USPL1: variants seen among roughly 807,000 people sequenced by gnomAD.
The protein encoded by USPL1 is SUMO-specific isopeptidase USPL1.
In USPL1, 27 loss-of-function variants were observed where a neutral mutation model predicts 51.5. The observed-to-expected ratio is 0.52, with a 90% CI of 0.39 to 0.72. The LOEUF (loss-of-function observed/expected upper bound fraction) is 0.72. Ranked by LOEUF, USPL1 falls within the 30% of genes least tolerant of loss-of-function variation. The probability of loss-of-function intolerance (pLI) is 0.00; values close to 1 mark genes in which losing one functional copy is unlikely to be tolerated. For missense variants in USPL1, 1,226 were observed against 1,268.0 expected, an observed-to-expected ratio of 0.97 and a Z score of 0.50; for synonymous variants, 451 against 459.6, an observed-to-expected ratio of 0.98 and a Z score of 0.24.
intron 3 of USPL1, among the ~76,000 whole-genome samples, chr13:30,622,190 T>C (rs1228016486): frequency 6.6e-6 from 1 of 152,132 alleles, no homozygotes; most frequent in Non-Finnish European, 1.5e-5. Flanking sequence ...ATATAGTAGT[T>C]ACTCTCTCAT....
chr13:30,627,425 T>TGCCCC (rs1950732380), intron 3 of USPL1, among the ~76,000 whole-genome samples: 1 of 152,092 alleles, frequency 6.6e-6, no homozygotes, highest in Non-Finnish European at 1.5e-5. Context: ...GCACAGATTA[T>TGCCCC]ATAGAGAAAA....
Position 30,658,526 on chromosome 13 carries a change from A to T in USPL1, c.2449A>T (p.Lys817Ter). The T allele has an allele frequency of 1.2e-6, 2 of 1,614,098 alleles. No homozygotes were observed. Among genetic ancestry groups the T allele is most frequent in the Non-Finnish European group, 1.7e-6 (2 of 1,180,010 alleles). ...KASHVSKKARKSASKPPPISK... is the reference protein window; with the variant it reads ...KASHVSKKAR Reference sequence around the variant, plus strand: ...CAGCCACGTATCCAAGAAAGCTCGTAAGAGTGCAAGTAAGCCTCCTCCCAT... The same window carrying T: ...CAGCCACGTATCCAAGAAAGCTCGTTAGAGTGCAAGTAAGCCTCCTCCCAT... Residue 817 changes from lysine (K) to a stop codon, truncating the protein, a stop_gained, in exon 9 of 9, where the codon AAG becomes TAG. Transcript: ENST00000255304. LOFTEE classifies it low-confidence loss of function (END_TRUNC).
chr13:30,623,397 T>A (rs1950669280), intron 3 of USPL1, among the ~76,000 whole-genome samples: 1 of 152,104 alleles, frequency 6.6e-6, no homozygotes, highest in Non-Finnish European at 1.5e-5. Context: ...ATGGCAGAGA[T>A]GTTGGCAGAG....
At chr13:30,621,672 T>C (rs974107183) in intron 2 of USPL1, 92 bp from the exon 3 acceptor site, 14 of 1,046,608 alleles carry the variant, frequency 1.3e-5, no homozygotes, top group African/African-American at 1.2e-4. Context: ...TTGAAAATTA[T>C]AATTTTTTCT....
intron 6 of USPL1, among the ~76,000 whole-genome samples, chr13:30,646,266 T>C (rs910028973): frequency 1.3e-5 from 2 of 152,218 alleles, no homozygotes; most frequent in Non-Finnish European, 2.9e-5. Context: ...ATGGCGTTGC[T>C]CTCAAGTATT....
rs1248629238 is a variant in USPL1, at chr13:30,653,148, A to G, written c.1239A>G (p.Lys413=). The stretch of plus-strand genomic sequence containing the variant: ...CTTCTCTTGCTTTTCTCTCCCACAG[A>G]GTATCTCCCATATTCATGTTGCACT... ...KSQIRKMVLE[K]VSPIFMLHFV... Residue 413 remains lysine (K), a splice_region_variant and synonymous_variant, in exon 8 of 9, where the codon AAA becomes AAG. Transcript: ENST00000255304. 2 of 1,577,446 alleles carry G rather than the reference A, an allele frequency of 1.3e-6. No individual in the cohort carries two copies. Among genetic ancestry groups the G allele is most frequent in the Non-Finnish European group, 1.7e-6 (2 of 1,157,894 alleles).
chr13:30,643,933 T>A (rs1950982984), intron 6 of USPL1, among the ~76,000 whole-genome samples: 1 of 152,010 alleles, frequency 6.6e-6, no homozygotes, highest in African/African-American at 2.4e-5. Context: ...GCTTAAGTGC[T>A]TAAGTTAGAA....
chr13:30,639,382 T>G (rs1950917564), intron 5 of USPL1, among the ~76,000 whole-genome samples: 1 of 151,956 alleles, frequency 6.6e-6, no homozygotes, highest in Admixed American at 6.6e-5. Flanking sequence ...TTTCCTACAT[T>G]TTATTAAAAT....
intron 5 of USPL1, among the ~76,000 whole-genome samples, chr13:30,639,961 C>A (rs909861216): frequency 3.3e-5 from 5 of 152,146 alleles, no homozygotes; most frequent in Non-Finnish European, 7.3e-5. Flanking sequence ...TTCTATGTAA[C>A]AGAAGGAATT....
Position 30,660,271 on chromosome 13 carries a change from C to A in USPL1, c.*915C>A, listed in dbSNP as rs1951241420. 6.6e-6 allele frequency: 1 copy of A among 152,328 alleles called. No individual in the cohort carries two copies. Among genetic ancestry groups the A allele is most frequent in the Admixed American group, 6.5e-5 (1 of 15,290 alleles). The allele number at this position is 152,328 out of a possible 1,614,324, so 9.4% of individuals were successfully genotyped here. ...GTGGGACTGGCAGCCTGGCCCTCAG[C>A]CTTCAGGCCCTCCCTGTTCATGGCT... On this transcript the variant is annotated 3_prime_UTR_variant, in exon 9 of 9. Transcript: ENST00000255304.
intron 7 of USPL1, among the ~76,000 whole-genome samples, chr13:30,648,852 G>A (rs1031153779): frequency 3.3e-5 from 5 of 151,988 alleles, no homozygotes; most frequent in African/African-American, 1.2e-4. Context: ...AGATGTAAAT[G>A]TTGATGATGA....
chr13:30,658,494 A>G lies in USPL1; in HGVS notation c.2417A>G (p.Gln806Arg). The part of the protein sequence containing the change: ...FGGFKTKGIN[Q>R]KASHVSKKAR... The stretch of plus-strand genomic sequence containing the variant: ...GGCTTTAAAACTAAAGGTATAAACC[A>G]GAAGGCCAGCCACGTATCCAAGAAA... Residue 806 changes from glutamine to arginine, a missense_variant, in exon 9 of 9, where the codon CAG becomes CGG. Transcript: ENST00000255304. 1 of 1,613,994 alleles carries G rather than the reference A, an allele frequency of 6.2e-7. No homozygotes were observed.
chr13:30,654,751 C>G (rs1951137781), intron 8 of USPL1, among the ~76,000 whole-genome samples: 2 of 151,924 alleles, frequency 1.3e-5, no homozygotes, highest in South Asian at 4.2e-4. Flanking sequence ...TTTGTTTTCC[C>G]TTTTGAAACT....
In USPL1 at chr13:30,631,399, A is replaced by C. The variant is rs141608033; in HGVS notation, c.793A>C (p.Ile265Leu). The change falls in exon 4 of 9, where the codon ATA becomes CTA. Residue 265 changes from isoleucine (I) to leucine (L), a missense_variant. Coordinates refer to ENST00000255304, the MANE Select transcript of USPL1 (RefSeq NM_005800.5). ...VTGLCSKEES[I>L]FWRLLTKYNQ... is the part of the protein sequence containing the mutation. ...TGGACTGTGCTCGAAGGAGGAATCT[A>C]TATTCTGGCGGTTGCTTACAAAATA... The C allele has an allele frequency of 3.0e-4, 484 of 1,614,260 alleles. No homozygotes were observed. Among genetic ancestry groups the C allele is most frequent in the Non-Finnish European group, 3.1e-4 (366 of 1,180,042 alleles).
intron 4 of USPL1, among the ~76,000 whole-genome samples, chr13:30,635,253 C>G (rs1156521350): frequency 6.6e-6 from 1 of 152,126 alleles, no homozygotes; most frequent in African/African-American, 2.4e-5. Flanking sequence ...GAAAATCATT[C>G]ACCTATATTT....
At position 30,659,355 on chromosome 13, in the gene USPL1, G is replaced by A; in HGVS notation, c.3278G>A (p.Ter1093=). 1 of 1,567,270 alleles carries A rather than the reference G, an allele frequency of 6.4e-7. No homozygotes were observed. The change falls in exon 9 of 9, where the codon TGA becomes TAA. Residue 1093 remains the stop codon, a stop_retained_variant. Transcript: ENST00000255304. ...HFDEYLFENY[*] Reference sequence around the variant, plus strand: ...GATGAATATCTGTTTGAGAATTATTGAATTAATGCTTGTTAACTTTTTTCA... The same window carrying A: ...GATGAATATCTGTTTGAGAATTATTAAATTAATGCTTGTTAACTTTTTTCA...
chr13:30,620,380 C>T (rs1219617538), intron 1 of USPL1, among the ~76,000 whole-genome samples: 2 of 152,182 alleles, frequency 1.3e-5, no homozygotes, highest in African/African-American at 4.8e-5. Context: ...TTTTTGCTTA[C>T]ACTGAGCTCC....
intron 4 of USPL1, among the ~76,000 whole-genome samples, chr13:30,635,776 G>T (rs1057000530): frequency 6.6e-6 from 1 of 152,014 alleles, no homozygotes; most frequent in Non-Finnish European, 1.5e-5. Flanking sequence ...TAACCATTCA[G>T]GCTGTTACTA....
chr13:30,648,143 A>G (rs1174831419), intron 7 of USPL1, among the ~76,000 whole-genome samples: 2 of 152,078 alleles, frequency 1.3e-5, no homozygotes, highest in South Asian at 2.1e-4. Context: ...ATTAATATAC[A>G]TGTGTTATTC....
Sources: allele counts gnomAD v4.1 joint callset (sites outside exome capture counted in the v4.1 genomes callset), GRCh38; gene constraint gnomAD v4.1.1; transcripts MANE v1.5; gene names NCBI Gene and HGNC (gene_info 2026-07-23, HGNC 2026-07-21).